The following KIF13B variants were observed in gnomAD, a reference collection of about 807,000 sequenced individuals.
KIF13B encodes kinesin-like protein KIF13B.
In KIF13B, 127 loss-of-function variants were observed where a neutral mutation model predicts 222.0. The ratio of observed to expected loss-of-function variants is 0.57; its 90% CI spans 0.50 to 0.66. KIF13B has a LOEUF of 0.66. KIF13B is among the 30% of genes least tolerant of loss of function. The pLI is 0.00. For synonymous variants in KIF13B, 976 were observed against 919.0 expected, an observed-to-expected ratio of 1.06 and a Z score of -1.12; for missense variants, 2,173 against 2,379.0, an observed-to-expected ratio of 0.91 and a Z score of 1.80.
chr8:29,239,096 G>T (rs1586970163), intron 2 of KIF13B, among the ~76,000 whole-genome samples: 1 of 152,200 alleles, frequency 6.6e-6, no homozygotes, highest in Non-Finnish European at 1.5e-5. Flanking sequence ...TAAACTCTAG[G>T]CTGATGTCTT....
At chr8:29,159,462 T>C (rs1811677780) in intron 13 of KIF13B, among the ~76,000 whole-genome samples, 1 of 152,182 alleles carries the variant, frequency 6.6e-6, no homozygotes, top group Non-Finnish European at 1.5e-5. Flanking sequence ...TAATATATCA[T>C]TTTTTAATAG....
chr8:29,137,258 C>T (rs1421227234), intron 21 of KIF13B, among the ~76,000 whole-genome samples: 1 of 152,174 alleles, frequency 6.6e-6, no homozygotes, highest in Non-Finnish European at 1.5e-5. Flanking sequence ...CTATGGGCAA[C>T]CTCTCAGGAA....
At chr8:29,098,464 GT>G (rs1012506401) in intron 36 of KIF13B, among the ~76,000 whole-genome samples, 8 of 151,574 alleles carry the variant, frequency 5.3e-5, no homozygotes, top group South Asian at 2.1e-4. Flanking sequence ...TTAGCCAGGC[GT>G]GGTGGTGGGC....
intron 1 of KIF13B, among the ~76,000 whole-genome samples, chr8:29,250,732 C>T (rs1171799828): frequency 6.6e-6 from 1 of 152,108 alleles, no homozygotes. Flanking sequence ...ACATCTAGGA[C>T]ACATGCCCAA....
chr8:29,204,404 A>G (rs988818360), intron 2 of KIF13B, among the ~76,000 whole-genome samples: 2 of 152,176 alleles, frequency 1.3e-5, no homozygotes, highest in Admixed American at 1.3e-4. Context: ...TTCATCGTCC[A>G]CTTTCACTAT....
At chr8:29,146,657 G>C in intron 17 of KIF13B, 117 bp from the exon 18 acceptor site, 1 of 901,464 alleles carries the variant, frequency 1.1e-6, no homozygotes, top group Non-Finnish European at 1.7e-6. Flanking sequence ...CTTTTTCCGT[G>C]GTCGTCTGCA....
At chr8:29,168,433 C>T (rs912299144) in intron 10 of KIF13B, among the ~76,000 whole-genome samples, 2 of 152,216 alleles carry the variant, frequency 1.3e-5, no homozygotes, top group African/African-American at 4.8e-5. Flanking sequence ...GACCTCCTGG[C>T]GCCCACACCC....
chr8:29,114,031 T>C (rs1438066024), intron 31 of KIF13B, among the ~76,000 whole-genome samples: 1 of 152,228 alleles, frequency 6.6e-6, no homozygotes, highest in Non-Finnish European at 1.5e-5. Flanking sequence ...AGGAATGATT[T>C]AAGAGTGCAC....
intron 2 of KIF13B, among the ~76,000 whole-genome samples, chr8:29,209,870 G>A (rs1814129423): frequency 7.8e-6 from 1 of 128,680 alleles, no homozygotes; most frequent in African/African-American, 2.9e-5. Flanking sequence ...TGGGCAGTGA[G>A]ACCCTACCTC....
At chr8:29,198,735 G>T (rs150546805) in intron 2 of KIF13B, among the ~76,000 whole-genome samples, 1 of 151,816 alleles carries the variant, frequency 6.6e-6, no homozygotes, top group South Asian at 2.1e-4. Flanking sequence ...ACATGCATAT[G>T]TATGTTTATT....
At chr8:29,171,739 T>A (rs1366772629) in intron 10 of KIF13B, among the ~76,000 whole-genome samples, 3 of 149,664 alleles carry the variant, frequency 2.0e-5, no homozygotes, top group African/African-American at 4.9e-5. Flanking sequence ...TTAAAAAAAA[T>A]CATATAATTT....
chr8:29,218,457 C>T (rs60900913), intron 2 of KIF13B, among the ~76,000 whole-genome samples: 20,139 of 152,122 alleles, frequency 0.13, 1,476 homozygotes, highest in South Asian at 0.15. Context: ...CCTTAAGAAA[C>T]CATGAGCTAA....
intron 35 of KIF13B, among the ~76,000 whole-genome samples, chr8:29,104,933 A>G (rs1435361254): frequency 4.1e-5 from 6 of 147,940 alleles, no homozygotes; most frequent in Non-Finnish European, 1.5e-5. Context: ...TTTAGTAGAG[A>G]TGGGGTTTCA....
chr8:29,075,212 A>C, intron 38 of KIF13B, 69 bp downstream of exon 38: 1 of 1,275,610 alleles, frequency 7.8e-7, no homozygotes, highest in Non-Finnish European at 1.1e-6. Context: ...GTGTGGACTC[A>C]ACAGTTTCGG....
At chr8:29,193,562 G>C (rs527928644) in intron 3 of KIF13B, among the ~76,000 whole-genome samples, 2 of 152,104 alleles carry the variant, frequency 1.3e-5, no homozygotes, top group Non-Finnish European at 2.9e-5. Flanking sequence ...CCTGATTCTT[G>C]TAAGCTTAGT....
chr8:29,078,841 T>C (rs2133494640), intron 37 of KIF13B, among the ~76,000 whole-genome samples: 1 of 152,314 alleles, frequency 6.6e-6, no homozygotes, highest in African/African-American at 2.4e-5. Flanking sequence ...GAACCTGCAA[T>C]CACCCTGTCT....
chr8:29,198,116 A>G (rs1586914585), intron 2 of KIF13B, among the ~76,000 whole-genome samples: 1 of 152,228 alleles, frequency 6.6e-6, no homozygotes, highest in Non-Finnish European at 1.5e-5. Flanking sequence ...AACACCACAG[A>G]AAGTCTAGCA....
intron 2 of KIF13B, chr8:29,219,310 G>A: frequency 6.6e-6 from 1 of 152,150 alleles, no homozygotes; most frequent in East Asian, 1.9e-4. Context: ...GGGCTGCTAA[G>A]CTGAAAGAAA....
chr8:29,144,045 A>G (rs755022376), intron 18 of KIF13B, among the ~76,000 whole-genome samples: 1 of 151,476 alleles, frequency 6.6e-6, no homozygotes, highest in Middle Eastern at 3.4e-3. Flanking sequence ...TTAAAAAAAA[A>G]AAAGCCCCTA....
Sources: allele counts gnomAD v4.1 joint callset (sites outside exome capture counted in the v4.1 genomes callset), GRCh38; gene constraint gnomAD v4.1.1; transcripts MANE v1.5; gene names NCBI Gene and HGNC (gene_info 2026-07-23, HGNC 2026-07-21).